Variants in LEMD1 observed in about 807,000 individuals in gnomAD.
LEMD1 encodes the protein LEM domain-containing protein 1.
Under a neutral mutation model 17.4 loss-of-function variants are expected in LEMD1, and 18 were observed. The ratio of observed to expected loss-of-function variants is 1.04; its 90% CI spans 0.72 to 1.54. LEMD1 has a LOEUF of 1.54. Ranked by LOEUF, LEMD1 falls within the 40% of genes most tolerant of loss-of-function variation. The pLI is 0.00. For synonymous variants in LEMD1, 88 were observed against 77.8 expected, an observed-to-expected ratio of 1.13 and a Z score of -0.69; for missense variants, 195 against 210.4, an observed-to-expected ratio of 0.93 and a Z score of 0.45.
chr1:205,386,936 A>G (rs1482867073), intron 4 of LEMD1: 1 of 152,238 alleles, frequency 6.6e-6, no homozygotes, highest in Non-Finnish European at 1.5e-5. Flanking sequence ...TTAAGCATAT[A>G]CAAAAATAGA....
At chr1:205,417,754 C>T (rs1449374729) in intron 3 of LEMD1, among the ~76,000 whole-genome samples, 2 of 151,856 alleles carry the variant, frequency 1.3e-5, no homozygotes, top group East Asian at 1.9e-4. Context: ...TTTCAGAGGG[C>T]CCCAGGCACT....
At chr1:205,392,901 A>G (rs1038670656) in intron 4 of LEMD1, among the ~76,000 whole-genome samples, 2 of 152,230 alleles carry the variant, frequency 1.3e-5, no homozygotes, top group South Asian at 2.1e-4. Flanking sequence ...ATCCATGCCA[A>G]GACACATCAT....
intron 4 of LEMD1, among the ~76,000 whole-genome samples, chr1:205,391,276 T>A (rs1574948710): frequency 6.6e-6 from 1 of 151,928 alleles, no homozygotes; most frequent in East Asian, 1.9e-4. Context: ...AACAAGCCTA[T>A]GAAGACTCTG....
chr1:205,386,409 T>C (rs1222680837), intron 4 of LEMD1: 4 of 151,190 alleles, frequency 2.6e-5, no homozygotes, highest in African/African-American at 9.8e-5. Context: ...GTTCACGCCA[T>C]TCTCCTGCCT....
At chr1:205,435,558 T>G (rs7537336) in intron 1 of LEMD1, 107,718 of 152,116 alleles carry the variant, frequency 0.71, 39,173 homozygotes, top group East Asian at 0.92. Flanking sequence ...AGGGAAGTAC[T>G]GGTTTCAATT....
intron 4 of LEMD1, among the ~76,000 whole-genome samples, chr1:205,397,583 C>T: frequency 6.6e-6 from 1 of 152,024 alleles, no homozygotes; most frequent in Non-Finnish European, 1.5e-5. Flanking sequence ...AGAGTGAGAC[C>T]CTGTCTCAAG....
rs1191124650 is a variant in LEMD1, at chr1:205,441,325, G to C, written c.-39+8543C>G. Among the ~76,000 whole-genome samples, 1 of 152,176 alleles carries C rather than the reference G, an allele frequency of 6.6e-6. No homozygotes were observed. Among genetic ancestry groups the C allele is most frequent in the African/African-American group, 2.4e-5 (1 of 41,434 alleles). The stretch of plus-strand genomic sequence containing the variant: ...CAGGGTGAGTCCAAGGGAGGAAAGA[G>C]AATGCCCAGCTGCTGCCTCCTTTTT... On this transcript the variant is annotated intron_variant, in intron 1 of 3. Coordinates refer to the LEMD1 transcript ENST00000367154. This position sits in a 1 kb window ranked among gnomAD's most constrained non-coding sequence, Gnocchi z 4.3.
At chr1:205,432,923 A>G (rs1666147711) in intron 1 of LEMD1, among the ~76,000 whole-genome samples, 1 of 152,150 alleles carries the variant, frequency 6.6e-6, no homozygotes, top group Non-Finnish European at 1.5e-5. Flanking sequence ...AGGTGAGAAG[A>G]CCACTTGAGC....
Position 205,441,480 on chromosome 1 carries a change from G to A in LEMD1, c.-39+8388C>T, listed in dbSNP as rs1666293315. Among the ~76,000 whole-genome samples, 1 of 152,266 alleles carries A rather than the reference G, an allele frequency of 6.6e-6. No homozygotes were observed. The highest frequency in any genetic ancestry group is 2.1e-4 in the South Asian group (1 of 4,830). The stretch of plus-strand genomic sequence containing the variant: ...AGGTTCTAGCTGGGGGCTTCCACTC[G>A]CTTCTGCAGGTTGCACACACGACAG... On this transcript the variant is annotated intron_variant, in intron 1 of 3. Coordinates refer to the LEMD1 transcript ENST00000367154. The surrounding 1 kb of genome is among the most constrained non-coding windows in gnomAD (Gnocchi z 4.3).
chr1:205,394,802 C>G (rs1458033972), intron 4 of LEMD1, among the ~76,000 whole-genome samples: 1 of 151,714 alleles, frequency 6.6e-6, no homozygotes, highest in Non-Finnish European at 1.5e-5. Flanking sequence ...ACCTGACCAA[C>G]GTGGTGAAAC....
chr1:205,442,264 C>T (rs900264997), intron 1 of LEMD1, among the ~76,000 whole-genome samples: 2 of 152,128 alleles, frequency 1.3e-5, no homozygotes, highest in African/African-American at 4.8e-5. Flanking sequence ...CAGGGCTATG[C>T]GGAAGGGGTT....
intron 4 of LEMD1, among the ~76,000 whole-genome samples, chr1:205,400,994 A>G (rs1452840984): frequency 2.0e-5 from 3 of 150,958 alleles, no homozygotes; most frequent in Admixed American, 1.3e-4. Context: ...ATGATTTCCA[A>G]TTTCACCCAT....
At chr1:205,382,089 C>A (rs575289300) in intron 5 of LEMD1, 146 of 528,670 alleles carry the variant, frequency 2.8e-4, no homozygotes, top group Non-Finnish European at 4.6e-4. Context: ...GCAGCCTTAA[C>A]CTCCTGGGCT....
At chr1:205,426,840 C>T (rs188782875), upstream of LEMD1, among the ~76,000 whole-genome samples, 23 of 152,168 alleles carry the variant, frequency 1.5e-4, no homozygotes, top group Admixed American at 1.5e-3. Flanking sequence ...GTGTTCAGGG[C>T]TGTCAGGAAG....
chr1:205,431,119 A>G (rs1210933824), intron 1 of LEMD1, among the ~76,000 whole-genome samples: 3 of 152,198 alleles, frequency 2.0e-5, no homozygotes, highest in African/African-American at 7.2e-5. Flanking sequence ...CCTTTTGGGG[A>G]TAAGCAGATT....
At chr1:205,395,191 A>T (rs111846386) in intron 4 of LEMD1, among the ~76,000 whole-genome samples, 1 of 152,194 alleles carries the variant, frequency 6.6e-6, no homozygotes. Context: ...GATAGATAAA[A>T]TTGTAAAACA....
intron 1 of LEMD1, among the ~76,000 whole-genome samples, chr1:205,439,911 C>T (rs1161678643): frequency 1.3e-5 from 2 of 151,706 alleles, no homozygotes; most frequent in African/African-American, 4.8e-5. Flanking sequence ...CTTCCTACCT[C>T]CTGGAAATGG....
intron 1 of LEMD1, among the ~76,000 whole-genome samples, chr1:205,449,570 A>AACAGCACAGC (rs1200218042): frequency 1.3e-5 from 2 of 152,096 alleles, no homozygotes; most frequent in East Asian, 1.9e-4. Context: ...ATTCCCCAAC[A>AACAGCACAGC]ACAGCACAGC....
chr1:205,420,697 G>A, intron 1 of LEMD1, 123 bp from the exon 2 acceptor site: 1 of 602,700 alleles, frequency 1.7e-6, no homozygotes. Flanking sequence ...AGGCAATAAA[G>A]CAAAAATCAA....
Sources: gnomAD v4.1 joint callset for allele counts (sites outside exome capture counted in the v4.1 genomes callset) on GRCh38, gnomAD v4.1.1 for gene constraint, Gnocchi (gnomAD v3.1) non-coding constraint, MANE v1.5 for transcripts, NCBI Gene and HGNC (gene_info 2026-07-23, HGNC 2026-07-21) for gene names.